CRADD: variants seen among roughly 807,000 people sequenced by gnomAD.
The protein encoded by CRADD is death domain-containing protein CRADD.
CRADD carries 9 observed loss-of-function variants against 15.5 expected under a neutral mutation model. That is an observed-to-expected ratio of 0.58 (90% CI 0.35 to 1.01). The LOEUF (loss-of-function observed/expected upper bound fraction) is 1.01, where lower values mean the gene tolerates loss of function less well. Ranked by LOEUF, CRADD falls within the 50% of genes least tolerant of loss-of-function variation. The pLI, the probability that CRADD is intolerant of heterozygous loss-of-function variation, is 0.02. For missense variants in CRADD, 227 were observed against 250.3 expected (o/e 0.91, Z 0.63); for synonymous variants, 118 against 107.6 (o/e 1.10, Z -0.60).
chr12:93,757,503 C>T (rs1301639055), intron 2 of CRADD, among the ~76,000 whole-genome samples: 1 of 152,212 alleles, frequency 6.6e-6, no homozygotes, highest in Non-Finnish European at 1.5e-5. Flanking sequence ...TCATCTCTCC[C>T]ATCTCTAGTT....
intron 2 of CRADD, among the ~76,000 whole-genome samples, chr12:93,717,852 G>C (rs779800630): frequency 1.3e-4 from 20 of 152,032 alleles, no homozygotes; most frequent in Admixed American, 6.6e-5. Context: ...TTTTATGAAG[G>C]GTCTAACATC....
intron 2 of CRADD, among the ~76,000 whole-genome samples, chr12:93,866,654 ACT>A (rs1958369914): frequency 6.6e-6 from 1 of 151,618 alleles, no homozygotes; most frequent in Admixed American, 6.6e-5. Flanking sequence ...GCTGAATGAG[ACT>A]CTGTATTGTG....
chr12:93,824,241 C>G lies in CRADD; in HGVS notation c.299-25729C>G, dbSNP rs1188373119. On this transcript the variant is annotated intron_variant, in intron 2 of 2. Transcript: ENST00000332896. This position sits in a 1 kb window ranked among gnomAD's most constrained non-coding sequence, Gnocchi z 4.3. The stretch of plus-strand genomic sequence containing the variant: ...CATTTTCAGTGTCTCAGCATACTTT[C>G]CAATGCTTCCAGTAATGGATTGTGC... Among the ~76,000 whole-genome samples the G allele has an allele frequency of 6.6e-6, 1 of 152,144 alleles. No homozygotes were observed. The highest frequency in any genetic ancestry group is 2.4e-5 in the African/African-American group (1 of 41,408).
intron 2 of CRADD, chr12:93,848,861 G>A (rs1958170719): frequency 6.6e-6 from 1 of 152,174 alleles, no homozygotes; most frequent in South Asian, 2.1e-4. Context: ...ACTGGCCTCA[G>A]GCAAATAAGA....
intron 2 of CRADD, among the ~76,000 whole-genome samples, chr12:93,746,373 T>C (rs2136934189): frequency 6.6e-6 from 1 of 152,308 alleles, no homozygotes; most frequent in East Asian, 1.9e-4. Context: ...TTACCTCTCT[T>C]TTCCTCGGTC....
At chr12:93,739,520 T>A (rs1027453662) in intron 2 of CRADD, among the ~76,000 whole-genome samples, 1 of 151,634 alleles carries the variant, frequency 6.6e-6, no homozygotes, top group African/African-American at 2.4e-5. Context: ...TAAGATTAAA[T>A]ATCATAAAAA....
chr12:93,771,529 T>C (rs1309402053), intron 2 of CRADD, among the ~76,000 whole-genome samples: 1 of 152,232 alleles, frequency 6.6e-6, no homozygotes, highest in Non-Finnish European at 1.5e-5. Context: ...AAAATATGTC[T>C]GTGTGATAAA....
intron 2 of CRADD, among the ~76,000 whole-genome samples, chr12:93,739,681 G>A (rs958644190): frequency 6.6e-6 from 1 of 152,090 alleles, no homozygotes; most frequent in Non-Finnish European, 1.5e-5. Flanking sequence ...AATGGGGAAA[G>A]GGAAAGATCT....
intron 2 of CRADD, among the ~76,000 whole-genome samples, chr12:93,773,833 T>C (rs948818886): frequency 9.4e-5 from 14 of 148,326 alleles, no homozygotes; most frequent in African/African-American, 3.3e-4. Context: ...TTTTTTTTTT[T>C]TTGAGACAGG....
intron 2 of CRADD, among the ~76,000 whole-genome samples, chr12:93,791,094 A>G (rs1345995191): frequency 6.6e-6 from 1 of 152,164 alleles, no homozygotes; most frequent in African/African-American, 2.4e-5. Context: ...TACAACCATT[A>G]TGGAAAACAG....
chr12:93,785,336 A>G (rs1180577945), intron 2 of CRADD, among the ~76,000 whole-genome samples: 1 of 152,190 alleles, frequency 6.6e-6, no homozygotes, highest in Non-Finnish European at 1.5e-5. Flanking sequence ...CCTCTGACGA[A>G]CATCCGAAAT....
chr12:93,883,014 G>T (rs1958513543), intron 2 of CRADD, among the ~76,000 whole-genome samples: 1 of 152,156 alleles, frequency 6.6e-6, no homozygotes, highest in African/African-American at 2.4e-5. Flanking sequence ...GTGGCAACAC[G>T]AAGAGACTTG....
At chr12:93,703,212 A>AT (rs145149095) in intron 2 of CRADD, among the ~76,000 whole-genome samples, 3,464 of 152,138 alleles carry the variant, frequency 0.023, 121 homozygotes, top group African/African-American at 0.075. Context: ...TTAGGTGTTG[A>AT]TTTTTTTTAA....
intron 2 of CRADD, among the ~76,000 whole-genome samples, chr12:93,845,004 C>G (rs1171318179): frequency 6.6e-6 from 1 of 152,030 alleles, no homozygotes; most frequent in Non-Finnish European, 1.5e-5. Context: ...AAAACAAAAC[C>G]CTTGGCAGAG....
intron 2 of CRADD, among the ~76,000 whole-genome samples, chr12:93,745,304 C>G (rs1956733131): frequency 6.6e-6 from 1 of 152,180 alleles, no homozygotes; most frequent in Non-Finnish European, 1.5e-5. Flanking sequence ...TGGGCAAATT[C>G]TAGTGCTTTG....
At chr12:93,687,438 C>T (rs960835813) in intron 2 of CRADD, among the ~76,000 whole-genome samples, 2 of 152,172 alleles carry the variant, frequency 1.3e-5, no homozygotes, top group African/African-American at 4.8e-5. Flanking sequence ...TGCCCAGGCT[C>T]TACTCCAGGT....
At chr12:93,703,501 C>T (rs1451658806) in intron 2 of CRADD, among the ~76,000 whole-genome samples, 2 of 151,840 alleles carry the variant, frequency 1.3e-5, no homozygotes, top group African/African-American at 4.8e-5. Flanking sequence ...GCTGGGACTA[C>T]AGGCGCATGC....
chr12:93,892,405 C>T (rs192859791), intron 2 of CRADD, among the ~76,000 whole-genome samples: 39 of 152,368 alleles, frequency 2.6e-4, no homozygotes, highest in Middle Eastern at 6.8e-3. Context: ...GATCTCACCC[C>T]GATCCCAGCC....
At chr12:93,869,219 A>T (rs1958397213) in intron 2 of CRADD, among the ~76,000 whole-genome samples, 1 of 152,140 alleles carries the variant, frequency 6.6e-6, no homozygotes, top group East Asian at 1.9e-4. Context: ...ATAAAATATA[A>T]CTAGCTTAAC....
Sources: allele counts gnomAD v4.1 joint callset (sites outside exome capture counted in the v4.1 genomes callset), GRCh38; gene constraint gnomAD v4.1.1; non-coding constraint Gnocchi (gnomAD v3.1); transcripts MANE v1.5; gene names NCBI Gene and HGNC (gene_info 2026-07-23, HGNC 2026-07-21).